Variants in B9D2 observed in about 807,000 individuals in gnomAD.
B9D2 encodes B9 domain-containing protein 2.
B9D2 carries 21 observed loss-of-function variants against 19.2 expected under a neutral mutation model. The observed-to-expected ratio is 1.09, with a 90% CI of 0.78 to 1.58. The LOEUF (loss-of-function observed/expected upper bound fraction) is 1.58. Ranked by LOEUF, B9D2 falls within the 40% of genes most tolerant of loss-of-function variation. The probability of loss-of-function intolerance (pLI) is 0.00; values close to 1 mark genes in which losing one functional copy is unlikely to be tolerated. For synonymous variants in B9D2, 91 were observed against 100.6 expected, an observed-to-expected ratio of 0.90 and a Z score of 0.57; for missense variants, 221 against 244.3, an observed-to-expected ratio of 0.90 and a Z score of 0.64.
rs1473804153 is a variant in B9D2, at chr19:41,363,641, G to A, written c.-4-118C>T. On this transcript the variant is annotated intron_variant, in intron 1 of 3. Transcript: ENST00000243578. ...AGTACTAGGATTCCAAGCTAGCTTC[G>A]TCACACCCCTGAGGCTGAGGTCTTG... 34 of 902,924 alleles carry A rather than the reference G, an allele frequency of 3.8e-5. No homozygotes were observed. The East Asian group carries it at 8.9e-4, about 24-fold the overall frequency. 55.9% of individuals were successfully genotyped at this position (902,924 alleles called of 1,614,324 possible).
intron 2 of B9D2, chr19:41,361,230 AT>A (rs1365848755): frequency 6.6e-6 from 1 of 152,208 alleles, no homozygotes; most frequent in African/African-American, 2.4e-5. Flanking sequence ...CAGGTTAGTC[AT>A]TACTCCCTTC....
chr19:41,360,550 A>G (rs891829574), intron 2 of B9D2, among the ~76,000 whole-genome samples: 2 of 151,646 alleles, frequency 1.3e-5, no homozygotes, highest in Admixed American at 6.6e-5. Flanking sequence ...TTGTTGCCCA[A>G]GCTGGAGTGC....
At chr19:41,359,575 C>T (rs533528736) in intron 2 of B9D2, among the ~76,000 whole-genome samples, 1 of 152,092 alleles carries the variant, frequency 6.6e-6, no homozygotes, top group African/African-American at 2.4e-5. Flanking sequence ...TGGTGGCGCA[C>T]GCCCATAGTC....
intron 3 of B9D2, among the ~76,000 whole-genome samples, chr19:41,355,396 A>G (rs771817462): frequency 6.7e-6 from 1 of 149,784 alleles, no homozygotes; most frequent in African/African-American, 2.5e-5. Context: ...TCCCCAGGTA[A>G]CCATCATGGG....
At chr19:41,358,114 A>G in intron 2 of B9D2, 92 bp from the exon 3 acceptor site, 1 of 1,560,884 alleles carries the variant, frequency 6.4e-7, no homozygotes, top group Non-Finnish European at 8.8e-7. Context: ...TGTGGCATCT[A>G]CTGGTAGGGG....
At chr19:41,360,893 C>A (rs2038394966) in intron 2 of B9D2, 1 of 152,178 alleles carries the variant, frequency 6.6e-6, no homozygotes, top group Admixed American at 6.6e-5. Context: ...GACCACAAAC[C>A]CAGCTCTTGG....
At chr19:41,363,621 T>C in intron 1 of B9D2, 98 bp from the exon 2 acceptor site, 1 of 1,109,658 alleles carries the variant, frequency 9.0e-7, no homozygotes, top group Admixed American at 2.0e-5. Flanking sequence ...AGGGTAGTAC[T>C]AGGATTCCAA....
intron 2 of B9D2, among the ~76,000 whole-genome samples, chr19:41,361,416 C>A (rs2038400742): frequency 6.6e-6 from 1 of 152,118 alleles, no homozygotes. Context: ...GACTCCAGAG[C>A]CTGCCCCTCA....
intron 2 of B9D2, among the ~76,000 whole-genome samples, chr19:41,362,371 C>CAAAA (rs777325237): frequency 1.5e-4 from 9 of 58,340 alleles, no homozygotes; most frequent in Non-Finnish European, 1.8e-4. Context: ...GAACGAGTCT[C>CAAAA]AAAAAAAAAA....
chr19:41,357,973 C>G lies in B9D2; in HGVS notation c.138G>C (p.Val46=), dbSNP rs1419821475. ...LSGVREGQTQ[V]DTPQIGDMAY... Reference sequence around the variant, plus strand: ...CCATGTCCCCTATCTGCGGGGTGTCCACTTGCGTTTGGCCCTCCCGCACGC... The same window carrying G: ...CCATGTCCCCTATCTGCGGGGTGTCGACTTGCGTTTGGCCCTCCCGCACGC... Residue 46 remains valine (V), a synonymous_variant, in exon 3 of 4, where the codon GTG becomes GTC. Transcript: ENST00000243578. 3 of 1,614,008 alleles carry G rather than the reference C, an allele frequency of 1.9e-6. No individual in the cohort carries two copies. Among genetic ancestry groups the G allele is most frequent in the Non-Finnish European group, 2.5e-6 (3 of 1,180,012 alleles).
chr19:41,357,888 G>C lies in B9D2; in HGVS notation c.214+9C>G. The C allele has an allele frequency of 6.2e-7, 1 of 1,614,046 alleles. No individual in the cohort carries two copies. Among genetic ancestry groups the C allele is most frequent in the Non-Finnish European group, 8.5e-7 (1 of 1,180,008 alleles). ...TCAGCCTGGACCCGGGTCCAGGTGT[G>C]ATACCCACCTTGAAGACCTTTGGTG... On this transcript the variant is annotated intron_variant, in intron 3 of 3. Coordinates refer to ENST00000243578, the MANE Select transcript of B9D2 (RefSeq NM_030578.4).
chr19:41,354,916 G>A lies in B9D2; in HGVS notation c.312C>T (p.Gly104=), dbSNP rs532129316. The A allele has an allele frequency of 1.2e-6, 2 of 1,613,436 alleles. No homozygotes were observed. Among genetic ancestry groups the A allele is most frequent in the African/African-American group, 1.3e-5 (1 of 75,056 alleles). ...YGFCHVPSSP[G]THQLACPTWR... ...ACGTGGGGCAGGCCAGCTGGTGGGTGCCCGGGCTACTGGGCACATGGCAAA... is the reference window on the plus strand; with the variant it reads ...ACGTGGGGCAGGCCAGCTGGTGGGTACCCGGGCTACTGGGCACATGGCAAA... The change falls in exon 4 of 4, where the codon GGC becomes GGT. Residue 104 remains glycine (G), a synonymous_variant. Transcript: ENST00000243578.
chr19:41,363,493 C>T lies in B9D2; in HGVS notation c.27G>A (p.Gln9=). 6.2e-7 allele frequency: 1 copy of T among 1,614,150 alleles called. No individual in the cohort carries two copies. ...CCGAGAAACCGCTGGCCCCTATGAT[C>T]TGCCCGATCACGTGCACCTCAGCCA... MAEVHVIG[Q]IIGASGFSES... is the part of the protein sequence containing the mutation. The change falls in exon 2 of 4, where the codon CAG becomes CAA. Residue 9 remains glutamine, a synonymous_variant. Coordinates refer to ENST00000243578, the MANE Select transcript of B9D2 (RefSeq NM_030578.4).
At chr19:41,355,175 G>A (rs575948200) in intron 3 of B9D2, among the ~76,000 whole-genome samples, 162 bp from the exon 4 acceptor site, 5 of 152,246 alleles carry the variant, frequency 3.3e-5, no homozygotes, top group African/African-American at 9.6e-5. Context: ...GGCTCCCACC[G>A]TCTTATCTAT....
intron 2 of B9D2, among the ~76,000 whole-genome samples, chr19:41,362,308 T>C (rs1226692685): frequency 7.5e-6 from 1 of 133,276 alleles, no homozygotes; most frequent in Non-Finnish European, 1.5e-5. Flanking sequence ...GAGAATGGCA[T>C]GAACCTGGAA....
At chr19:41,362,505 C>T (rs549737472) in intron 2 of B9D2, among the ~76,000 whole-genome samples, 220 of 152,180 alleles carry the variant, frequency 1.4e-3, no homozygotes, top group African/African-American at 5.1e-3. Context: ...CAAACAAGAC[C>T]CCATCAAAGT....
At chr19:41,358,065 C>G (rs114133150) in intron 2 of B9D2, 43 bp from the exon 3 acceptor site, 1 of 1,612,942 alleles carries the variant, frequency 6.2e-7, no homozygotes. Flanking sequence ...AGGCAGCCAT[C>G]GGGAAGGGGA....
intron 2 of B9D2, among the ~76,000 whole-genome samples, chr19:41,359,014 A>T (rs529079336): frequency 1.3e-5 from 2 of 151,772 alleles, no homozygotes; most frequent in Admixed American, 1.3e-4. Flanking sequence ...GAGTGGTGGC[A>T]GGTGCCTGTA....
At chr19:41,358,116 T>G in intron 2 of B9D2, 94 bp from the exon 3 acceptor site, 1 of 1,552,880 alleles carries the variant, frequency 6.4e-7, no homozygotes, top group Middle Eastern at 1.7e-4. Context: ...TGGCATCTAC[T>G]GGTAGGGGTT....
Sources: gnomAD v4.1 joint callset for allele counts (sites outside exome capture counted in the v4.1 genomes callset) on GRCh38, gnomAD v4.1.1 for gene constraint, MANE v1.5 for transcripts, NCBI Gene and HGNC (gene_info 2026-07-23, HGNC 2026-07-21) for gene names.